IGSF21: variants seen among roughly 807,000 people sequenced by gnomAD.
IGSF21 encodes the protein immunoglobulin superfamily member 21.
Under a neutral mutation model 46.8 loss-of-function variants are expected in IGSF21, and 28 were observed. The ratio of observed to expected loss-of-function variants is 0.60; its 90% CI spans 0.44 to 0.82. IGSF21 has a LOEUF of 0.82. Among genes scored for constraint, IGSF21 ranks in the 40% least tolerant of loss-of-function variants. The pLI, the probability that IGSF21 is intolerant of heterozygous loss-of-function variation, is 0.00. For synonymous variants in IGSF21, 284 were observed against 273.6 expected, an observed-to-expected ratio of 1.04 and a Z score of -0.38; for missense variants, 624 against 665.5, an observed-to-expected ratio of 0.94 and a Z score of 0.69.
chr1:18,186,703 T>C (rs1012619415), intron 1 of IGSF21, among the ~76,000 whole-genome samples: 1 of 152,210 alleles, frequency 6.6e-6, no homozygotes, highest in African/African-American at 2.4e-5. Context: ...CAAAATCCTA[T>C]AAAGAAGGAC....
At chr1:18,185,560 C>G (rs886593177) in intron 1 of IGSF21, among the ~76,000 whole-genome samples, 1 of 152,186 alleles carries the variant, frequency 6.6e-6, no homozygotes, top group African/African-American at 2.4e-5. Context: ...TATTGTTACA[C>G]TGGGCAGATC....
intron 1 of IGSF21, among the ~76,000 whole-genome samples, chr1:18,168,677 C>T (rs1237588889): frequency 1.3e-5 from 2 of 152,196 alleles, no homozygotes; most frequent in South Asian, 2.1e-4. Context: ...GGAATCGCTC[C>T]CTATCCGAAT....
At chr1:18,363,822 TG>T (rs1321126970) in intron 5 of IGSF21, among the ~76,000 whole-genome samples, 1 of 140,446 alleles carries the variant, frequency 7.1e-6, no homozygotes, top group African/African-American at 2.8e-5. Context: ...GGTGGGGCAC[TG>T]GGCAGGGGCA....
In IGSF21 at chr1:18,290,335, G is replaced by A. The variant is rs1311622925; in HGVS notation, c.184-1531G>A. Among the ~76,000 whole-genome samples the A allele has an allele frequency of 6.6e-6, 1 of 152,194 alleles. No homozygotes were observed. Among genetic ancestry groups the A allele is most frequent in the Non-Finnish European group, 1.5e-5 (1 of 68,038 alleles). Reference sequence around the variant, plus strand: ...CTCAGAGGGGAAGAAAGTGACGCGTGTACATGTCGCTAAGTCCCGACAGAG... The same window carrying A: ...CTCAGAGGGGAAGAAAGTGACGCGTATACATGTCGCTAAGTCCCGACAGAG... On this transcript the variant is annotated intron_variant, in intron 2 of 9. Coordinates refer to ENST00000251296, the MANE Select transcript of IGSF21 (RefSeq NM_032880.5). This position sits in a 1 kb window ranked among gnomAD's most constrained non-coding sequence, Gnocchi z 4.2.
chr1:18,295,836 A>G (rs1386174329), intron 3 of IGSF21, among the ~76,000 whole-genome samples: 1 of 152,172 alleles, frequency 6.6e-6, no homozygotes, highest in Non-Finnish European at 1.5e-5. Context: ...ATGACTGTTT[A>G]TTGGGTGCAT....
intron 2 of IGSF21, among the ~76,000 whole-genome samples, chr1:18,232,628 A>G (rs6664613): frequency 0.28 from 43,099 of 152,050 alleles, 6,291 homozygotes; most frequent in East Asian, 0.44. Flanking sequence ...TCCTCCATGA[A>G]TCCTCTGTGT....
At chr1:18,229,405 C>T (rs1200695156) in intron 2 of IGSF21, among the ~76,000 whole-genome samples, 1 of 152,238 alleles carries the variant, frequency 6.6e-6, no homozygotes, top group Non-Finnish European at 1.5e-5. Context: ...CAGTCTCCTT[C>T]TTGCTCTTGG....
At position 18,376,806 on chromosome 1, in the gene IGSF21, G is replaced by C. The variant is rs1233607743; in HGVS notation, c.1108G>C (p.Val370Leu). 1 of 1,589,024 alleles carries C rather than the reference G, an allele frequency of 6.3e-7. No individual in the cohort carries two copies. The highest frequency in any genetic ancestry group is 8.6e-7 in the Non-Finnish European group (1 of 1,162,486). ...RILVHGFQNE[V>L]FPEPMFTWTR... is the part of the protein sequence containing the mutation. Reference sequence around the variant, plus strand: ...CCCCTGATCTGGCCAACAGAACGAAGTCTTCCCGGAGCCCATGTTCACGTG... The same window carrying C: ...CCCCTGATCTGGCCAACAGAACGAACTCTTCCCGGAGCCCATGTTCACGTG... The change falls in exon 8 of 10, where the codon GTC (valine) becomes CTC (leucine). Residue 370 changes from valine (V) to leucine (L), a missense_variant. Val to Leu is a conservative substitution (Grantham distance 32). Coordinates refer to ENST00000251296, the MANE Select transcript of IGSF21 (RefSeq NM_032880.5).
chr1:18,135,778 G>C (rs1232994263), intron 1 of IGSF21, among the ~76,000 whole-genome samples: 2 of 152,196 alleles, frequency 1.3e-5, no homozygotes, highest in Non-Finnish European at 2.9e-5. Context: ...TATATACCCA[G>C]TAATGGGATG....
chr1:18,357,463 T>G (rs61760829), intron 4 of IGSF21, among the ~76,000 whole-genome samples: 2 of 33,142 alleles, frequency 6.0e-5, no homozygotes, highest in South Asian at 8.6e-4. Flanking sequence ...GGGATGGGAA[T>G]GGAGATGGGG....
chr1:18,317,094 G>C (rs965903364), intron 3 of IGSF21, among the ~76,000 whole-genome samples: 1 of 152,124 alleles, frequency 6.6e-6, no homozygotes, highest in Non-Finnish European at 1.5e-5. Context: ...GTTTCTCATT[G>C]ACCAGTGCCT....
chr1:18,194,320 GA>G (rs2086986132), intron 1 of IGSF21, among the ~76,000 whole-genome samples: 1 of 152,156 alleles, frequency 6.6e-6, no homozygotes, highest in Non-Finnish European at 1.5e-5. Context: ...ATCCCCCTTT[GA>G]CCCTTATTAT....
chr1:18,313,042 C>G (rs929326199), intron 3 of IGSF21, among the ~76,000 whole-genome samples: 1 of 152,208 alleles, frequency 6.6e-6, no homozygotes, highest in African/African-American at 2.4e-5. Context: ...CCCCGTTTTA[C>G]TCATCCCTGT....
intron 1 of IGSF21, among the ~76,000 whole-genome samples, chr1:18,179,886 G>A (rs533235574): frequency 6.6e-6 from 1 of 152,320 alleles, no homozygotes; most frequent in South Asian, 2.1e-4. Flanking sequence ...TGACTGTCCT[G>A]ACCCCCTTGG....
chr1:18,153,377 C>A (rs969963662), intron 1 of IGSF21, among the ~76,000 whole-genome samples: 2 of 152,206 alleles, frequency 1.3e-5, no homozygotes, highest in African/African-American at 4.8e-5. Context: ...AGAGGAGGCC[C>A]CAGCCAGATG....
At chr1:18,241,384 C>T (rs1481622742) in intron 2 of IGSF21, among the ~76,000 whole-genome samples, 1 of 152,126 alleles carries the variant, frequency 6.6e-6, no homozygotes, top group East Asian at 1.9e-4. Flanking sequence ...TATCAGAGAC[C>T]TCAGAGAGCC....
At chr1:18,225,422 C>T (rs78477663) in intron 1 of IGSF21, among the ~76,000 whole-genome samples, 1 of 152,142 alleles carries the variant, frequency 6.6e-6, no homozygotes, top group African/African-American at 2.4e-5. Context: ...GCCACACTTA[C>T]ACTTGCAATT....
chr1:18,172,029 T>C (rs1187625365), intron 1 of IGSF21, among the ~76,000 whole-genome samples: 1 of 152,174 alleles, frequency 6.6e-6, no homozygotes, highest in African/African-American at 2.4e-5. Flanking sequence ...GTGTCTGCAG[T>C]TGAGGGCTGG....
intron 1 of IGSF21, among the ~76,000 whole-genome samples, chr1:18,176,803 C>A (rs1029447026): frequency 2.5e-4 from 38 of 152,290 alleles, no homozygotes; most frequent in African/African-American, 8.4e-4. Context: ...GTAAATAAAA[C>A]GTTGTCAGCT....
Sources: allele counts gnomAD v4.1 joint callset (sites outside exome capture counted in the v4.1 genomes callset), GRCh38; gene constraint gnomAD v4.1.1; non-coding constraint Gnocchi (gnomAD v3.1); transcripts MANE v1.5; gene names NCBI Gene and HGNC (gene_info 2026-07-23, HGNC 2026-07-21).